Variants in GOLGA1 observed in about 807,000 individuals in gnomAD.
GOLGA1 encodes golgin A1, also known as golgin subfamily A member 1.
A neutral mutation model predicts 119.7 loss-of-function variants in GOLGA1; 63 were observed. That is an observed-to-expected ratio of 0.53 (90% CI 0.43 to 0.65). The LOEUF is 0.65. Among genes scored for constraint, GOLGA1 ranks in the 30% least tolerant of loss-of-function variants. The pLI is 0.00. For synonymous variants in GOLGA1, 318 were observed against 333.4 expected, an observed-to-expected ratio of 0.95 and a Z score of 0.50; for missense variants, 798 against 912.8, an observed-to-expected ratio of 0.87 and a Z score of 1.62.
Position 124,898,614 on chromosome 9 carries a change from T to C in GOLGA1, c.1342A>G (p.Lys448Glu). ...RQLEQENAAL[K>E]ECRNEYERSL... ...CGTTCATATTCATTCCTGCATTCTTTAAGGGCTGCATTTTCTTGCTCCAGT... is the reference window on the plus strand; with the variant it reads ...CGTTCATATTCATTCCTGCATTCTTCAAGGGCTGCATTTTCTTGCTCCAGT... The change falls in exon 15 of 23, where the codon AAA becomes GAA. Residue 448 changes from lysine to glutamate, a missense_variant. Coordinates refer to ENST00000373555, the MANE Select transcript of GOLGA1 (RefSeq NM_002077.4). 2 of 1,611,522 alleles carry C rather than the reference T, an allele frequency of 1.2e-6. No individual in the cohort carries two copies. The highest frequency in any genetic ancestry group is 1.7e-6 in the Non-Finnish European group (2 of 1,177,780).
intron 11 of GOLGA1, among the ~76,000 whole-genome samples, chr9:124,909,608 C>CAAAA (rs58372596): frequency 8.6e-4 from 75 of 87,264 alleles, no homozygotes; most frequent in African/African-American, 2.7e-3. Flanking sequence ...GACTCCGTCT[C>CAAAA]AAAAAAAAAA....
At chr9:124,921,674 G>A (rs1830571425) in intron 9 of GOLGA1, 49 bp downstream of exon 9, 3 of 1,449,214 alleles carry the variant, frequency 2.1e-6, no homozygotes, top group Non-Finnish European at 2.9e-6. Flanking sequence ...GCTATAGCCA[G>A]AACTACACTA....
chr9:124,947,651 T>C (rs1300249338), intron 1 of GOLGA1: 1 of 152,176 alleles, frequency 6.6e-6, no homozygotes, highest in Non-Finnish European at 1.5e-5. Flanking sequence ...TATACATATA[T>C]ACAAAAAGTA....
intron 15 of GOLGA1, among the ~76,000 whole-genome samples, chr9:124,891,948 C>T (rs1161152771): frequency 6.8e-6 from 1 of 146,988 alleles, no homozygotes; most frequent in East Asian, 2.0e-4. Flanking sequence ...CCCAGCCTCC[C>T]TCCCTCCCTT....
chr9:124,936,997 C>T (rs1174290207), intron 3 of GOLGA1, among the ~76,000 whole-genome samples: 1 of 151,990 alleles, frequency 6.6e-6, no homozygotes, highest in Non-Finnish European at 1.5e-5. Flanking sequence ...TTATGCTATC[C>T]TAAATTGGGT....
At chr9:124,917,511 C>CA (rs1459567341) in intron 10 of GOLGA1, among the ~76,000 whole-genome samples, 2 of 152,148 alleles carry the variant, frequency 1.3e-5, no homozygotes, top group African/African-American at 4.8e-5. Context: ...TCAATCTCTT[C>CA]AATAGTTCTT....
chr9:124,927,532 CATA>C (rs1830697688), intron 6 of GOLGA1, among the ~76,000 whole-genome samples: 2 of 152,024 alleles, frequency 1.3e-5, no homozygotes, highest in African/African-American at 4.8e-5. Context: ...TTAAGTGAAA[CATA>C]ATAAACTCTG....
At chr9:124,909,409 C>T (rs1830295914) in intron 11 of GOLGA1, among the ~76,000 whole-genome samples, 1 of 151,358 alleles carries the variant, frequency 6.6e-6, no homozygotes, top group African/African-American at 2.4e-5. Context: ...AGTTCGAGAC[C>T]AGCCTGACCA....
intron 12 of GOLGA1, among the ~76,000 whole-genome samples, chr9:124,904,927 G>T (rs10124276): frequency 6.9e-6 from 1 of 144,038 alleles, no homozygotes; most frequent in Non-Finnish European, 1.5e-5. Flanking sequence ...CCAGGCTACA[G>T]AGCCAGACTC....
exon 1 of GOLGA1, chr9:124,947,960 T>C (rs1184697930): frequency 6.6e-6 from 1 of 152,226 alleles, no homozygotes; most frequent in African/African-American, 2.4e-5. Flanking sequence ...TATATCAGGC[T>C]GATTACAAGT....
intron 3 of GOLGA1, among the ~76,000 whole-genome samples, chr9:124,936,660 A>G (rs904019750): frequency 4.6e-5 from 7 of 151,996 alleles, no homozygotes; most frequent in Non-Finnish European, 1.5e-5. Context: ...TATGTTGCCC[A>G]AGCTGGTCTT....
Position 124,898,649 on chromosome 9 carries a change from C to T in GOLGA1, c.1312-5G>A, listed in dbSNP as rs1272254094. 6.4e-7 allele frequency: 1 copy of T among 1,562,444 alleles called. No homozygotes were observed. The highest frequency in any genetic ancestry group is 1.7e-5 in the Admixed American group (1 of 59,704). On this transcript the variant is annotated splice_polypyrimidine_tract_variant and splice_region_variant and intron_variant, in intron 14 of 22. Coordinates refer to ENST00000373555, the MANE Select transcript of GOLGA1 (RefSeq NM_002077.4). ...ATTTTCTTGCTCCAGTTGTCTCTGC[C>T]AATTCAGAAGAACACATATAAAAGA... is the stretch of plus-strand genomic sequence containing the variant.
rs1830603932 is a variant in GOLGA1, at chr9:124,923,159, C to A, written c.497G>T (p.Arg166Met). Reference protein sequence around the residue: ...MKNQSMNLFQRRDEMDELEGF... With the variant: ...MKNQSMNLFQMRDEMDELEGF... ...CTCTAATTCATCCATTTCATCTCTC[C>A]TTTGGAAAAGATTCATACTCTGGTT... The change falls in exon 8 of 23, where the codon AGG becomes ATG. Residue 166 changes from arginine (R) to methionine (M), a missense_variant. Physicochemically the swap from Arg to Met is moderately conservative, Grantham distance 91 (BLOSUM62 -1). Coordinates refer to ENST00000373555, the MANE Select transcript of GOLGA1 (RefSeq NM_002077.4). The A allele has an allele frequency of 6.2e-7, 1 of 1,602,842 alleles. No individual in the cohort carries two copies. The highest frequency in any genetic ancestry group is 8.5e-7 in the Non-Finnish European group (1 of 1,170,662).
At chr9:124,890,316 C>A in intron 16 of GOLGA1, 73 bp downstream of exon 16, 2 of 1,029,810 alleles carry the variant, frequency 1.9e-6, no homozygotes, top group Non-Finnish European at 3.1e-6. Context: ...CTCCAACAGT[C>A]TCACGGCAGG....
At chr9:124,916,901 A>AAC (rs1830459224) in intron 10 of GOLGA1, among the ~76,000 whole-genome samples, 3 of 148,590 alleles carry the variant, frequency 2.0e-5, no homozygotes, top group Non-Finnish European at 1.5e-5. Context: ...AAAAAAAAAA[A>AAC]ACGAAAACAA....
intron 5 of GOLGA1, 137 bp from the exon 6 acceptor site, chr9:124,928,422 G>T: frequency 1.9e-6 from 1 of 516,578 alleles, no homozygotes; most frequent in East Asian, 3.3e-5. Flanking sequence ...GGAAAAGCTG[G>T]ATCCACCTCA....
Position 124,878,343 on chromosome 9 carries a change from C to G in GOLGA1, c.*2187G>C, listed in dbSNP as rs1829491766. 6.6e-6 allele frequency: 1 copy of G among 152,290 alleles called. No homozygotes were observed. The highest frequency in any genetic ancestry group is 1.5e-5 in the Non-Finnish European group (1 of 68,024). 9.4% of individuals were successfully genotyped at this position (152,290 alleles called of 1,614,324 possible). A position where few individuals can be genotyped will look rare whatever the true frequency, so the allele number is the denominator to read the frequency against. On this transcript the variant is annotated 3_prime_UTR_variant, in exon 23 of 23. Transcript: ENST00000373555. Reference sequence around the variant, plus strand: ...AATGAGTCAAAGAAATACTGACACACCAAACTAGTAAAATCCATTGTAGTT... The same window carrying G: ...AATGAGTCAAAGAAATACTGACACAGCAAACTAGTAAAATCCATTGTAGTT...
chr9:124,882,500 G>A lies in GOLGA1; in HGVS notation c.1965+10C>T, dbSNP rs776978168. ...TGGGAAGTGGGGCCAGCTCCCATGC[G>A]AGTACTCACCAGCTCCTTCTGCAGA... On this transcript the variant is annotated intron_variant, in intron 20 of 22. Transcript: ENST00000373555. 8.1e-6 allele frequency: 13 copies of A among 1,604,322 alleles called. No homozygotes were observed. The East Asian group carries it at 1.1e-4, about 14-fold the overall frequency.
Position 124,890,485 on chromosome 9 carries a change from T to C in GOLGA1, c.1408-7A>G, listed in dbSNP as rs777133957. ...CTCTTTGGCTCCATTCTTCCTACAA[T>C]GCAGAAAACCACTGAGCCCCAAAAC... On this transcript the variant is annotated splice_polypyrimidine_tract_variant and splice_region_variant and intron_variant, in intron 15 of 22. Transcript: ENST00000373555. 1 of 1,606,456 alleles carries C rather than the reference T, an allele frequency of 6.2e-7. No homozygotes were observed. The highest frequency in any genetic ancestry group is 1.1e-5 in the South Asian group (1 of 90,916).
Sources: allele counts gnomAD v4.1 joint callset (sites outside exome capture counted in the v4.1 genomes callset), GRCh38; gene constraint gnomAD v4.1.1; transcripts MANE v1.5; gene names NCBI Gene and HGNC (gene_info 2026-07-23, HGNC 2026-07-21).